The following TEX11 variants were observed in gnomAD, a reference collection of about 807,000 sequenced individuals.
The protein encoded by TEX11 is testis expressed 11, also known as testis-expressed protein 11.
In TEX11, 7 loss-of-function variants were observed where a neutral mutation model predicts 84.4. The observed-to-expected ratio is 0.08, with a 90% CI of 0.05 to 0.16. The LOEUF is 0.16. Among genes scored for constraint, TEX11 ranks in the 10% least tolerant of loss-of-function variants. TEX11 has a pLI of 1.00. For synonymous variants in TEX11, 264 were observed against 222.8 expected, an observed-to-expected ratio of 1.18 and a Z score of -1.64; for missense variants, 551 against 660.5, an observed-to-expected ratio of 0.83 and a Z score of 1.82.
At chrX:70,755,469 G>A (rs777556246) in intron 9 of TEX11, among the ~76,000 whole-genome samples, 18 of 111,219 alleles carry the variant, frequency 1.6e-4, no homozygotes, top group Admixed American at 4.8e-4. Context: ...GAAAATATAC[G>A]GTCAGAGGAG....
intron 9 of TEX11, among the ~76,000 whole-genome samples, chrX:70,791,086 G>C (rs779676797): frequency 9.0e-6 from 1 of 111,481 alleles, no homozygotes; most frequent in Admixed American, 9.5e-5. Context: ...TAGGGACATG[G>C]ATGAAGCTGG....
At chrX:70,616,181 A>G (rs1259431735) in intron 20 of TEX11, among the ~76,000 whole-genome samples, 1 of 111,731 alleles carries the variant, frequency 9.0e-6, no homozygotes, top group East Asian at 2.8e-4. Context: ...TTAAATAGAA[A>G]AACTAAAAGT....
At chrX:70,683,155 G>A (rs986720871) in intron 13 of TEX11, among the ~76,000 whole-genome samples, 3 of 111,331 alleles carry the variant, frequency 2.7e-5, no homozygotes, top group African/African-American at 9.8e-5. Context: ...GAAAAGACAT[G>A]AGAAATTTAC....
chrX:70,876,968 A>G (rs1018564122), intron 3 of TEX11, among the ~76,000 whole-genome samples: 5 of 111,364 alleles, frequency 4.5e-5, no homozygotes, highest in Non-Finnish European at 9.4e-5. Context: ...GTTTTCACTA[A>G]CAGCTAAGTA....
chrX:70,872,771 C>A (rs1417088865), intron 4 of TEX11, among the ~76,000 whole-genome samples: 2 of 111,994 alleles, frequency 1.8e-5, no homozygotes, highest in South Asian at 7.4e-4. Flanking sequence ...ATCAATCCAT[C>A]TCCTGAGGAA....
chrX:70,839,711 G>A (rs1476852415), intron 7 of TEX11, among the ~76,000 whole-genome samples: 2 of 111,050 alleles, frequency 1.8e-5, no homozygotes, highest in African/African-American at 6.5e-5. Flanking sequence ...GAGGAAATTC[G>A]AACCAATAGC....
At chrX:70,788,944 A>G (rs2091097016) in intron 9 of TEX11, among the ~76,000 whole-genome samples, 1 of 26,451 alleles carries the variant, frequency 3.8e-5, no homozygotes, top group Non-Finnish European at 6.0e-5. Context: ...GATTATATAT[A>G]TATATATATA....
intron 4 of TEX11, among the ~76,000 whole-genome samples, chrX:70,872,712 A>C (rs1300486996): frequency 8.9e-6 from 1 of 112,047 alleles, no homozygotes; most frequent in East Asian, 2.8e-4. Context: ...GTTTGCTCTC[A>C]CAGGTAGAAA....
chrX:70,610,859 G>A (rs974415653), intron 20 of TEX11, among the ~76,000 whole-genome samples: 4 of 112,007 alleles, frequency 3.6e-5, no homozygotes, highest in African/African-American at 1.3e-4. Flanking sequence ...TGATTTATAA[G>A]CTTTTTTGAA....
chrX:70,905,714 T>G (rs1018632240), intron 2 of TEX11, among the ~76,000 whole-genome samples: 1 of 110,018 alleles, frequency 9.1e-6, no homozygotes, highest in Admixed American at 9.9e-5. Flanking sequence ...ATACTACTCA[T>G]CAGCAGTGGA....
downstream of TEX11, among the ~76,000 whole-genome samples, chrX:70,525,852 C>T (rs1254572770): frequency 8.9e-6 from 1 of 112,026 alleles, no homozygotes; most frequent in Admixed American, 9.5e-5. Flanking sequence ...TAAGTAGGAG[C>T]AAACTAAGGT....
chrX:70,728,677 G>T (rs778576573), intron 11 of TEX11, among the ~76,000 whole-genome samples: 3 of 108,090 alleles, frequency 2.8e-5, no homozygotes, highest in Non-Finnish European at 5.7e-5. Context: ...AGCTCGAACT[G>T]GGTGGAGCCC....
rs752426806 is a variant in TEX11, at chrX:70,861,409, A to G, written c.245-473T>C. On this transcript the variant is annotated intron_variant, in intron 4 of 29. Coordinates refer to ENST00000374333, the MANE Select transcript of TEX11 (RefSeq NM_031276.3). Reference sequence around the variant, plus strand: ...AATTTTCAAAAGTAAATGACCTAAAACTTATTAAATGAATCATTTACTGAA... The same window carrying G: ...AATTTTCAAAAGTAAATGACCTAAAGCTTATTAAATGAATCATTTACTGAA... Among the ~76,000 whole-genome samples the G allele has an allele frequency of 1.1e-4, 12 of 109,559 alleles. No individual in the cohort carries two copies. In the East Asian group the frequency reaches 3.2e-3, roughly 29 times the overall value.
intron 7 of TEX11, among the ~76,000 whole-genome samples, chrX:70,838,795 G>A (rs892770013): frequency 6.2e-5 from 7 of 112,264 alleles, no homozygotes; most frequent in East Asian, 2.8e-4. Context: ...CTAATACTGC[G>A]CTTTTCCAAC....
At chrX:70,621,540 AAAAAAAAAAAAATATATAT>A (rs1242889104) in intron 20 of TEX11, among the ~76,000 whole-genome samples, 2 of 41,150 alleles carry the variant, frequency 4.9e-5, no homozygotes, top group African/African-American at 8.4e-5. Flanking sequence ...AAAAAAAAAA[AAAAAAAAAAAAATATATAT>A]ATATATATAT....
the TEX11 span, among the ~76,000 whole-genome samples, chrX:70,513,249 A>G: frequency 5.7e-5 from 6 of 105,250 alleles, no homozygotes; most frequent in Non-Finnish European, 7.8e-5. Context: ...GCTACTCAGG[A>G]GGCTGATGCA....
At chrX:70,750,933 A>AAAATACATATATATATAT (rs1390175136) in intron 9 of TEX11, among the ~76,000 whole-genome samples, 1 of 28,187 alleles carries the variant, frequency 3.5e-5, no homozygotes, top group African/African-American at 1.2e-4. Context: ...AAAAAAAAAA[A>AAAATACATATATATATAT]ATATATATAT....
intron 15 of TEX11, among the ~76,000 whole-genome samples, chrX:70,671,777 C>G (rs2090023535): frequency 9.4e-6 from 1 of 106,294 alleles, no homozygotes; most frequent in South Asian, 4.3e-4. Context: ...CTCTTCACAT[C>G]TTTCTCCTAC....
chrX:70,625,781 T>TC lies in TEX11; in HGVS notation c.1609-858_1609-857insG, dbSNP rs1381386463. On this transcript the variant is annotated intron_variant, in intron 18 of 29. Coordinates refer to ENST00000374333, the MANE Select transcript of TEX11 (RefSeq NM_031276.3). ...GGCATTTTCTTTTTCTTTTTCTTTTTTTTTTTTTTAAGATGGATTCTTGCT... is the reference window on the plus strand; with the variant it reads ...GGCATTTTCTTTTTCTTTTTCTTTTTCTTTTTTTTTAAGATGGATTCTTGCT... 4.6e-5 allele frequency among the ~76,000 whole-genome samples: 5 copies of TC among 108,983 alleles called. No individual in the cohort carries two copies. In the East Asian group the frequency reaches 8.6e-4, roughly 19 times the overall value. 94.6% of individuals were successfully genotyped at this position (108,983 alleles called of 115,157 possible). A position where few individuals can be genotyped will look rare whatever the true frequency, so the allele number is the denominator to read the frequency against.
Sources: allele counts gnomAD v4.1 joint callset (sites outside exome capture counted in the v4.1 genomes callset), GRCh38; gene constraint gnomAD v4.1.1; transcripts MANE v1.5; gene names NCBI Gene and HGNC (gene_info 2026-07-23, HGNC 2026-07-21).